SPIRE1: variants seen among roughly 807,000 people sequenced by gnomAD.
The protein encoded by SPIRE1 is protein spire homolog 1.
Under a neutral mutation model 94.1 loss-of-function variants are expected in SPIRE1, and 40 were observed. The observed-to-expected ratio is 0.43, with a 90% CI of 0.33 to 0.55. SPIRE1 has a LOEUF of 0.55. SPIRE1 is among the 20% of genes least tolerant of loss of function. SPIRE1 has a pLI of 0.06. For synonymous variants in SPIRE1, 376 were observed against 371.7 expected (o/e 1.01, Z -0.13); for missense variants, 838 against 975.2 (o/e 0.86, Z 1.87).
chr18:12,579,854 T>A (rs991953246), intron 2 of SPIRE1, among the ~76,000 whole-genome samples: 4 of 152,236 alleles, frequency 2.6e-5, no homozygotes, highest in African/African-American at 9.6e-5. Flanking sequence ...TACCTCACTC[T>A]ACCACTTCAC....
chr18:12,574,427 G>A (rs563911743), intron 2 of SPIRE1, among the ~76,000 whole-genome samples: 1 of 152,242 alleles, frequency 6.6e-6, no homozygotes, highest in East Asian at 1.9e-4. Context: ...AGGTAGAATG[G>A]ACAGGACTTC....
chr18:12,496,741 C>T (rs2033473274), intron 6 of SPIRE1, among the ~76,000 whole-genome samples: 2 of 152,056 alleles, frequency 1.3e-5, no homozygotes, highest in South Asian at 4.1e-4. Context: ...TGGTGGCGGG[C>T]ACCTGTAGTC....
chr18:12,615,462 C>A (rs1309989809), intron 2 of SPIRE1, among the ~76,000 whole-genome samples: 1 of 136,558 alleles, frequency 7.3e-6, no homozygotes, highest in Non-Finnish European at 1.6e-5. Context: ...ATTGCTTGAA[C>A]CAGGGAGGTG....
intron 2 of SPIRE1, among the ~76,000 whole-genome samples, chr18:12,587,009 C>CTTGTATGTTA (rs1207714755): frequency 2.0e-5 from 3 of 152,208 alleles, no homozygotes; most frequent in Non-Finnish European, 2.9e-5. Flanking sequence ...AAGCACTTCA[C>CTTGTATGTTA]TTGTATGTTA....
In SPIRE1 at chr18:12,650,353, G is replaced by C. The variant is rs544882969; in HGVS notation, c.337+7177C>G. On this transcript the variant is annotated intron_variant, in intron 1 of 16. Transcript: ENST00000409402. ...GTGGGCAAATCACTTGAGCCCAGAAGTTCCAAACAAAACTAGGCAACATGG... is the reference window on the plus strand; with the variant it reads ...GTGGGCAAATCACTTGAGCCCAGAACTTCCAAACAAAACTAGGCAACATGG... Among the ~76,000 whole-genome samples, 19 of 152,206 alleles carry C rather than the reference G, an allele frequency of 1.2e-4. No individual in the cohort carries two copies. The South Asian group carries it at 3.9e-3, about 32-fold the overall frequency.
At chr18:12,626,719 T>C (rs570183059) in intron 2 of SPIRE1, among the ~76,000 whole-genome samples, 2 of 152,136 alleles carry the variant, frequency 1.3e-5, no homozygotes, top group East Asian at 3.9e-4. Flanking sequence ...TCCGCAACTT[T>C]CTGGCTATGT....
chr18:12,465,482 T>A (rs8099288), intron 10 of SPIRE1, among the ~76,000 whole-genome samples: 61,206 of 152,072 alleles, frequency 0.4, 12,851 homozygotes, highest in East Asian at 0.65. Context: ...AGTTTCATCA[T>A]TGTGAAAGAG....
intron 8 of SPIRE1, 73 bp downstream of exon 8, chr18:12,492,999 A>G (rs1324818825): frequency 6.7e-7 from 1 of 1,486,932 alleles, no homozygotes; most frequent in Non-Finnish European, 9.0e-7. Flanking sequence ...CTTTACTTTC[A>G]TGGGGCTGGG....
In SPIRE1 at chr18:12,507,560, G is replaced by A. The variant is rs138789635; in HGVS notation, c.808-919C>T. 2.3e-3 allele frequency among the ~76,000 whole-genome samples: 349 copies of A among 152,066 alleles called. 2 individuals carry two copies. The highest frequency in any genetic ancestry group is 0.014 in the South Asian group (68 of 4,804). ...CTAAAAATTCAAAAATTAGCTGGGT[G>A]TGGTGGTGTGCGCCTGTAATTGCAG... On this transcript the variant is annotated intron_variant, in intron 5 of 16. Coordinates refer to ENST00000409402, the MANE Select transcript of SPIRE1 (RefSeq NM_001128626.2).
intron 9 of SPIRE1, 64 bp from the exon 10 acceptor site, chr18:12,479,935 A>T: frequency 6.7e-7 from 1 of 1,484,638 alleles, no homozygotes; most frequent in Admixed American, 1.9e-5. Flanking sequence ...TTGGAAGCAT[A>T]CCAGGTAACA....
At chr18:12,487,016 C>T (rs1318693650) in intron 8 of SPIRE1, among the ~76,000 whole-genome samples, 1 of 152,126 alleles carries the variant, frequency 6.6e-6, no homozygotes, top group African/African-American at 2.4e-5. Flanking sequence ...GCATGCCTGG[C>T]TACCGTTTGT....
chr18:12,496,140 T>C, intron 6 of SPIRE1, 38 bp from the exon 7 acceptor site: 1 of 1,405,944 alleles, frequency 7.1e-7, no homozygotes, highest in Non-Finnish European at 1.0e-6. Context: ...CATGTGACTA[T>C]ATAAGACTAT....
intron 2 of SPIRE1, among the ~76,000 whole-genome samples, chr18:12,602,138 A>G (rs186715159): frequency 1.3e-5 from 2 of 152,286 alleles, no homozygotes; most frequent in South Asian, 2.1e-4. Flanking sequence ...ACACACACAC[A>G]TACACATAAA....
At chr18:12,639,279 T>G (rs905302043) in intron 1 of SPIRE1, among the ~76,000 whole-genome samples, 1 of 151,976 alleles carries the variant, frequency 6.6e-6, no homozygotes, top group African/African-American at 2.4e-5. Flanking sequence ...AAAAAAATTC[T>G]GGGTGAAGTC....
intron 4 of SPIRE1, among the ~76,000 whole-genome samples, chr18:12,518,576 G>A (rs946786307): frequency 5.3e-5 from 8 of 151,662 alleles, no homozygotes; most frequent in African/African-American, 1.2e-4. Flanking sequence ...CCAACTACTC[G>A]GGAGGCTGAG....
At chr18:12,657,252 G>T (rs537753250) in intron 1 of SPIRE1, among the ~76,000 whole-genome samples, 6 of 147,908 alleles carry the variant, frequency 4.1e-5, no homozygotes, top group African/African-American at 9.7e-5. Flanking sequence ...GCACAATGAC[G>T]AGCGCCCCGC....
upstream of SPIRE1, among the ~76,000 whole-genome samples, chr18:12,660,586 G>A (rs767247225): frequency 2.6e-5 from 4 of 152,076 alleles, no homozygotes; most frequent in Admixed American, 6.6e-5. Context: ...CTCCAAAAGC[G>A]CTGGGATTAC....
At chr18:12,595,066 C>T (rs1364723198) in intron 2 of SPIRE1, among the ~76,000 whole-genome samples, 7 of 152,118 alleles carry the variant, frequency 4.6e-5, no homozygotes, top group African/African-American at 1.7e-4. Context: ...CTGCTTGAAC[C>T]CAGGAGTTCA....
chr18:12,657,729 C>G lies in SPIRE1; in HGVS notation c.138G>C (p.Leu46=). 2 of 1,403,754 alleles carry G rather than the reference C, an allele frequency of 1.4e-6. No individual in the cohort carries two copies. The highest frequency in any genetic ancestry group is 1.9e-6 in the Non-Finnish European group (2 of 1,070,762). The allele number at this position is 1,403,754 out of a possible 1,614,324, so 87.0% of individuals were successfully genotyped here. A position where few individuals can be genotyped will look rare whatever the true frequency, so the allele number is the denominator to read the frequency against. The change falls in exon 1 of 17, where the codon CTG becomes CTC. Residue 46 remains leucine, a synonymous_variant. Transcript: ENST00000409402. ...SRDALSLEEI[L]RLYNQPINEE... ...CGTTGATGGGCTGGTTGTACAGCCG[C>G]AGGATCTCCTCCAGGCTCAGCGCGT...
Sources: gnomAD v4.1 joint callset for allele counts (sites outside exome capture counted in the v4.1 genomes callset) on GRCh38, gnomAD v4.1.1 for gene constraint, MANE v1.5 for transcripts, NCBI Gene and HGNC (gene_info 2026-07-23, HGNC 2026-07-21) for gene names.